Variants in NAT10 observed in about 807,000 individuals in gnomAD.
The protein encoded by NAT10 is RNA cytidine acetyltransferase.
NAT10 carries 109 observed loss-of-function variants against 132.2 expected under a neutral mutation model. The ratio of observed to expected loss-of-function variants is 0.82; its 90% CI spans 0.71 to 0.97. The LOEUF is 0.97. Among genes scored for constraint, NAT10 ranks in the 50% least tolerant of loss-of-function variants. The pLI is 0.00. For missense variants in NAT10, 1,184 were observed against 1,263.4 expected (o/e 0.94, Z 0.95); for synonymous variants, 479 against 478.0 (o/e 1.00, Z -0.03).
rs182834940 is a variant in NAT10, at chr11:34,106,362, A to G, written c.-16+570A>G. ...CTTCCCCATCCAGGCCTTCCATGAC[A>G]GCTTCAGCCCATAGTAATCTCAGCC... On this transcript the variant is annotated intron_variant, in intron 1 of 28. Coordinates refer to ENST00000257829, the MANE Select transcript of NAT10 (RefSeq NM_024662.3). 3.3e-5 allele frequency among the ~76,000 whole-genome samples: 5 copies of G among 152,086 alleles called. No homozygotes were observed. The East Asian group carries it at 9.7e-4, about 29-fold the overall frequency.
chr11:34,112,565 T>C (rs1851713882), intron 4 of NAT10, among the ~76,000 whole-genome samples: 1 of 152,342 alleles, frequency 6.6e-6, no homozygotes, highest in South Asian at 2.1e-4. Context: ...CAAAGACTTT[T>C]TTTGTCCAGT....
intron 15 of NAT10, among the ~76,000 whole-genome samples, chr11:34,132,506 T>C (rs1852124039): frequency 1.3e-5 from 2 of 150,250 alleles, no homozygotes; most frequent in South Asian, 2.1e-4. Flanking sequence ...GGCCCGGTGG[T>C]GCAGTTTGAC....
rs541818661 is a variant in NAT10 at position 34,107,724 on chromosome 11, G to A, written c.-15-487G>A. 2.6e-5 allele frequency among the ~76,000 whole-genome samples: 4 copies of A among 152,232 alleles called. No individual in the cohort carries two copies. In the South Asian group the frequency reaches 8.3e-4, roughly 32 times the overall value. ...GGGCAGATTGCGAGGTCAAGAGATC[G>A]AGACCATCCTGGCCAACATATGCGC... On this transcript the variant is annotated intron_variant, in intron 1 of 28. Coordinates refer to ENST00000257829, the MANE Select transcript of NAT10 (RefSeq NM_024662.3).
In NAT10 at chr11:34,115,858, G is replaced by A; in HGVS notation, c.531G>A (p.Gln177=). ...CCAGGTACAGAACTGAGGCCCATCA[G>A]GATGTGGTGGGAAGATTTAATGAAA... ...VHSRYRTEAH[Q]DVVGRFNERF... The change falls in exon 6 of 29, where the codon CAG becomes CAA. Residue 177 remains glutamine, a synonymous_variant. Transcript: ENST00000257829. 1 of 1,614,118 alleles carries A rather than the reference G, an allele frequency of 6.2e-7. No homozygotes were observed. The highest frequency in any genetic ancestry group is 8.5e-7 in the Non-Finnish European group (1 of 1,179,998).
rs1851642500 is a variant in NAT10, at chr11:34,108,820, C to T, written c.187C>T (p.Leu63=). 1 of 1,613,480 alleles carries T rather than the reference C, an allele frequency of 6.2e-7. No homozygotes were observed. The change falls in exon 3 of 29, where the codon CTG becomes TTG. Residue 63 remains leucine, a synonymous_variant. Transcript: ENST00000257829. ...AGTGCTGTGGTGTTATAAGAAAGAG[C>T]TGGGGTTTAGCAGGTAAGCTGGGCT... ...PSVLWCYKKE[L]GFSSHRKKRM...
intron 8 of NAT10, among the ~76,000 whole-genome samples, chr11:34,120,435 A>T (rs182238371): frequency 1.3e-5 from 2 of 151,940 alleles, no homozygotes; most frequent in African/African-American, 4.8e-5. Context: ...CCTTCCATCT[A>T]CCTTGGCCTG....
At position 34,118,415 on chromosome 11, in the gene NAT10, C is replaced by G. The variant is rs747501763; in HGVS notation, c.692C>G (p.Ser231Cys). Residue 231 changes from serine (S) to cysteine (C), a missense_variant, in exon 8 of 29, where the codon TCT becomes TGT. Coordinates refer to ENST00000257829, the MANE Select transcript of NAT10 (RefSeq NM_024662.3). Reference sequence around the variant, plus strand: ...TGGTAGGATGAGAGTCTTGGTCCTTCTGATCTGGAGCTGAGGGAGTTGAAG... The same window carrying G: ...TGGTAGGATGAGAGTCTTGGTCCTTGTGATCTGGAGCTGAGGGAGTTGAAG... ...PQTPDESLGP[S>C]DLELRELKES... 21 of 1,614,010 alleles carry G rather than the reference C, an allele frequency of 1.3e-5. No homozygotes were observed. Among genetic ancestry groups the G allele is most frequent in the Middle Eastern group, 3.3e-4 (2 of 6,084 alleles).
intron 11 of NAT10, among the ~76,000 whole-genome samples, chr11:34,125,747 G>C (rs1332486894): frequency 1.3e-5 from 2 of 152,188 alleles, no homozygotes; most frequent in Non-Finnish European, 2.9e-5. Flanking sequence ...CGAATCACTT[G>C]AGGTCAGGAG....
chr11:34,132,713 T>C (rs529009260), intron 15 of NAT10, among the ~76,000 whole-genome samples: 1 of 152,220 alleles, frequency 6.6e-6, no homozygotes, highest in Non-Finnish European at 1.5e-5. Flanking sequence ...TTTCCTGAAA[T>C]AGCAGCCTCT....
chr11:34,118,829 C>T (rs1018065883), intron 8 of NAT10, among the ~76,000 whole-genome samples: 3 of 152,122 alleles, frequency 2.0e-5, no homozygotes, highest in African/African-American at 7.2e-5. Flanking sequence ...ACTGTAACTT[C>T]GAACCCCTGG....
At position 34,134,301 on chromosome 11, in the gene NAT10, G is replaced by A. The variant is rs760342919; in HGVS notation, c.1735-18G>A. Reference sequence around the variant, plus strand: ...CAGAGTTGGCCTTTCTGCCTGCACTGTCCTGCTTCCCCCACAGGTGTGCCT... The same window carrying A: ...CAGAGTTGGCCTTTCTGCCTGCACTATCCTGCTTCCCCCACAGGTGTGCCT... On this transcript the variant is annotated intron_variant, in intron 16 of 28. Coordinates refer to ENST00000257829, the MANE Select transcript of NAT10 (RefSeq NM_024662.3). 1.4e-5 allele frequency: 23 copies of A among 1,610,694 alleles called. No homozygotes were observed. The highest frequency in any genetic ancestry group is 2.0e-5 in the Non-Finnish European group (23 of 1,176,982).
chr11:34,114,293 T>C (rs1259575554), intron 5 of NAT10, among the ~76,000 whole-genome samples: 1 of 152,204 alleles, frequency 6.6e-6, no homozygotes, highest in Non-Finnish European at 1.5e-5. Flanking sequence ...GATTGTGTTC[T>C]CCCAAAGCAA....
At chr11:34,112,867 C>T (rs1851719361) in intron 4 of NAT10, among the ~76,000 whole-genome samples, 5 of 152,156 alleles carry the variant, frequency 3.3e-5, no homozygotes, top group Admixed American at 3.3e-4. Context: ...GTGCCACCTC[C>T]CTTCCCCATT....
chr11:34,115,071 G>T (rs1353251559), intron 5 of NAT10, among the ~76,000 whole-genome samples: 1 of 152,186 alleles, frequency 6.6e-6, no homozygotes, highest in African/African-American at 2.4e-5. Context: ...CAGGAGAATT[G>T]CTTGAACTCA....
At position 34,137,027 on chromosome 11, in the gene NAT10, G is replaced by A. The variant is rs1852230409; in HGVS notation, c.2211+1G>A. On this transcript the variant is annotated splice_donor_variant, in intron 21 of 28. Coordinates refer to ENST00000257829, the MANE Select transcript of NAT10 (RefSeq NM_024662.3). LOFTEE classifies it high-confidence loss of function. ...TCCTGTTTATCTGAGACAGACCCCG[G>A]TGAGTGAGGCATCCAGCAGAGGAGA... 1 of 1,614,096 alleles carries A rather than the reference G, an allele frequency of 6.2e-7. No individual in the cohort carries two copies. Among genetic ancestry groups the A allele is most frequent in the African/African-American group, 1.3e-5 (1 of 74,930 alleles).
chr11:34,110,876 AC>A (rs767783126), intron 3 of NAT10, among the ~76,000 whole-genome samples: 11 of 152,188 alleles, frequency 7.2e-5, no homozygotes, highest in Non-Finnish European at 1.5e-4. Flanking sequence ...AAAATAAAAA[AC>A]ATCTCACTGT....
chr11:34,112,919 A>T lies in NAT10; in HGVS notation c.372+696A>T, dbSNP rs1286037474. On this transcript the variant is annotated intron_variant, in intron 4 of 28. Transcript: ENST00000257829. ...GACAAAATTAAGCACAAATCCTCAC[A>T]TTTTTGTGTGTTTATCATATACACT... Among the ~76,000 whole-genome samples, 4 of 152,198 alleles carry T rather than the reference A, an allele frequency of 2.6e-5. 1 individual carries two copies. The East Asian group carries it at 7.7e-4, about 29-fold the overall frequency.
At position 34,132,186 on chromosome 11, in the gene NAT10, C is replaced by G. The variant is rs759711543; in HGVS notation, c.1582C>G (p.Arg528Gly). The part of the protein sequence containing the change: ...YHKASEVFLQ[R>G]LMALYVASHY... Reference sequence around the variant, plus strand: ...CAAGGCCTCTGAAGTTTTCCTCCAACGGCTTATGGCCCTCTACGTGGCTTC... The same window carrying G: ...CAAGGCCTCTGAAGTTTTCCTCCAAGGGCTTATGGCCCTCTACGTGGCTTC... The change falls in exon 15 of 29, where the codon CGG becomes GGG. Residue 528 changes from arginine to glycine, a missense_variant. Physicochemically the swap from Arg to Gly is moderately radical, Grantham distance 125. Coordinates refer to ENST00000257829, the MANE Select transcript of NAT10 (RefSeq NM_024662.3). 3.1e-6 allele frequency: 5 copies of G among 1,614,158 alleles called. No homozygotes were observed. The highest frequency in any genetic ancestry group is 4.2e-6 in the Non-Finnish European group (5 of 1,179,978).
In NAT10 at chr11:34,108,251, G is replaced by A. The variant is rs1351549807; in HGVS notation, c.26G>A (p.Arg9Gln). The part of the protein sequence containing the change: MHRKKVDN[R>Q]IRILIENGVA... Reference sequence around the variant, plus strand: ...ATGCATCGGAAAAAGGTGGATAACCGAATCCGGATTCTCATTGAGAATGGA... The same window carrying A: ...ATGCATCGGAAAAAGGTGGATAACCAAATCCGGATTCTCATTGAGAATGGA... The change falls in exon 2 of 29, where the codon CGA becomes CAA. Residue 9 changes from arginine to glutamine, a missense_variant. By Grantham distance (43) the Arg-to-Gln change is conservative. Transcript: ENST00000257829. 3 of 1,613,966 alleles carry A rather than the reference G, an allele frequency of 1.9e-6. No homozygotes were observed. Among genetic ancestry groups the A allele is most frequent in the Admixed American group, 1.7e-5 (1 of 59,992 alleles).
Sources: gnomAD v4.1 joint callset for allele counts (sites outside exome capture counted in the v4.1 genomes callset) on GRCh38, gnomAD v4.1.1 for gene constraint, MANE v1.5 for transcripts, NCBI Gene and HGNC (gene_info 2026-07-23, HGNC 2026-07-21) for gene names.